The following WDR4 variants were observed in gnomAD, a reference collection of about 807,000 sequenced individuals.
WDR4 encodes the protein tRNA (guanine-N(7)-)-methyltransferase non-catalytic subunit WDR4.
A neutral mutation model predicts 48.6 loss-of-function variants in WDR4; 47 were observed. That is an observed-to-expected ratio of 0.97 (90% confidence interval 0.77 to 1.23). WDR4 has a LOEUF of 1.23. Ranked by LOEUF, WDR4 falls within the 50% of genes most tolerant of loss-of-function variation. The pLI, the probability that WDR4 is intolerant of heterozygous loss-of-function variation, is 0.00. For synonymous variants in WDR4, 268 were observed against 230.0 expected (o/e 1.17, Z -1.49); for missense variants, 606 against 551.6 (o/e 1.10, Z -0.99).
chr21:42,866,594 C>T (rs952829604), intron 3 of WDR4, among the ~76,000 whole-genome samples: 7 of 152,114 alleles, frequency 4.6e-5, no homozygotes, highest in Admixed American at 1.3e-4. Flanking sequence ...CCCATGTTTG[C>T]GGACCAGCCA....
rs189044788 is a variant in WDR4, at chr21:42,866,087, G to A, written c.297-2491C>T. ...TGCCGTGGCTCTCACAGTTGTTTTC[G>A]GAAACACAGACTCCACTGGGAGGAT... On this transcript the variant is annotated intron_variant, in intron 3 of 10. Coordinates refer to ENST00000398208, the MANE Select transcript of WDR4 (RefSeq NM_018669.6). 9.9e-5 allele frequency among the ~76,000 whole-genome samples: 15 copies of A among 152,164 alleles called. No individual in the cohort carries two copies. The East Asian group carries it at 1.5e-3, about 16-fold the overall frequency.
chr21:42,852,122 T>TG, intron 10 of WDR4, 133 bp downstream of exon 10: 1 of 933,160 alleles, frequency 1.1e-6, no homozygotes, highest in Non-Finnish European at 1.7e-6. Context: ...GCCTTCTGGA[T>TG]GGGGACACAC....
At chr21:42,876,491 G>A (rs773563358) in intron 2 of WDR4, among the ~76,000 whole-genome samples, 1 of 152,154 alleles carries the variant, frequency 6.6e-6, no homozygotes, top group Non-Finnish European at 1.5e-5. Flanking sequence ...TGGGATTACA[G>A]GCATAAGCCA....
At chr21:42,848,553 A>G (rs1189154822), downstream of WDR4, among the ~76,000 whole-genome samples, 1 of 52,208 alleles carries the variant, frequency 1.9e-5, no homozygotes, top group African/African-American at 1.3e-4. Flanking sequence ...CACCTCACAC[A>G]GCACACGATC....
At chr21:42,883,242 T>G (rs1292851905), upstream of WDR4, among the ~76,000 whole-genome samples, 3 of 128,632 alleles carry the variant, frequency 2.3e-5, no homozygotes, top group Admixed American at 9.0e-5. Flanking sequence ...GCCACTGCAC[T>G]CCAACCCGAG....
In WDR4 at chr21:42,869,376, G is replaced by A. The variant is rs567593753; in HGVS notation, c.296+4175C>T. Among the ~76,000 whole-genome samples the A allele has an allele frequency of 5.3e-5, 8 of 152,272 alleles. No individual in the cohort carries two copies. In the South Asian group the frequency reaches 6.2e-4, roughly 12 times the overall value. On this transcript the variant is annotated intron_variant, in intron 3 of 10. Coordinates refer to ENST00000398208, the MANE Select transcript of WDR4 (RefSeq NM_018669.6). The stretch of plus-strand genomic sequence containing the variant: ...ACTGTTGTCTAAGTAACTGGATCAC[G>A]TCTGAGATCCGTGTACACATCGGCA...
At chr21:42,854,675 A>C in intron 7 of WDR4, 49 bp from the exon 8 acceptor site, 1 of 1,581,410 alleles carries the variant, frequency 6.3e-7, no homozygotes, top group Non-Finnish European at 8.6e-7. Flanking sequence ...CAGGGGCCCG[A>C]CGCCGGGCGC....
intron 3 of WDR4, among the ~76,000 whole-genome samples, chr21:42,864,733 C>T (rs532961805): frequency 2.6e-5 from 4 of 152,338 alleles, no homozygotes; most frequent in South Asian, 4.1e-4. Flanking sequence ...GGGCTCAGGG[C>T]TACACTACTT....
intron 5 of WDR4, among the ~76,000 whole-genome samples, chr21:42,861,350 GGGAAGGAA>G (rs1176493261): frequency 6.7e-6 from 1 of 149,750 alleles, no homozygotes; most frequent in Non-Finnish European, 1.5e-5. Context: ...GTGGGGAGGG[GGGAAGGAA>G]GGGAGGGAGG....
At chr21:42,853,440 C>G in intron 9 of WDR4, 129 bp downstream of exon 9, 1 of 1,113,500 alleles carries the variant, frequency 9.0e-7, no homozygotes, top group Non-Finnish European at 1.3e-6. Flanking sequence ...AGGACACAGA[C>G]CCTGGGCCCC....
intron 3 of WDR4, among the ~76,000 whole-genome samples, chr21:42,870,725 GT>G (rs1217949274): frequency 2.0e-5 from 3 of 152,072 alleles, no homozygotes; most frequent in Non-Finnish European, 2.9e-5. Context: ...GGAGGCAGAG[GT>G]TGCAGTGAGC....
At chr21:42,858,871 A>G (rs932145311) in intron 6 of WDR4, among the ~76,000 whole-genome samples, 1 of 152,170 alleles carries the variant, frequency 6.6e-6, no homozygotes, top group African/African-American at 2.4e-5. Context: ...CCATCCTGCC[A>G]CACCACACAA....
Position 42,862,606 on chromosome 21 carries a change from G to A in WDR4, c.454-212C>T, listed in dbSNP as rs1251348611. On this transcript the variant is annotated intron_variant, in intron 4 of 10. Transcript: ENST00000398208. The surrounding 1 kb of genome is among the most constrained non-coding windows in gnomAD (Gnocchi z 4.3). ...CCCAGAGGGTCCCTGGCCACCTCTA[G>A]CCCTCACTCCTCAGTGCTAGAGCAG... Among the ~76,000 whole-genome samples the A allele has an allele frequency of 2.0e-5, 3 of 152,138 alleles. 1 individual carries two copies. The East Asian group carries it at 5.8e-4, about 29-fold the overall frequency.
downstream of WDR4, among the ~76,000 whole-genome samples, chr21:42,844,305 C>CA (rs1202922141): frequency 2.0e-5 from 3 of 152,150 alleles, no homozygotes; most frequent in African/African-American, 7.2e-5. Context: ...AAAACACACA[C>CA]ACATACCCTA....
intron 6 of WDR4, 115 bp from the exon 7 acceptor site, chr21:42,855,895 C>T (rs2057978100): frequency 1.4e-6 from 1 of 690,680 alleles, no homozygotes; most frequent in South Asian, 2.8e-5. Flanking sequence ...CCATGCCACC[C>T]ACCCTCAGGA....
chr21:42,876,849 G>A (rs1227230549), intron 1 of WDR4, 82 bp from the exon 2 acceptor site: 6 of 1,314,876 alleles, frequency 4.6e-6, no homozygotes, highest in Non-Finnish European at 5.2e-6. Context: ...ACGGAGTTTC[G>A]CTCTCGTTGT....
chr21:42,877,136 T>A (rs2058510598), intron 1 of WDR4, among the ~76,000 whole-genome samples: 2 of 123,556 alleles, frequency 1.6e-5, no homozygotes, highest in South Asian at 5.2e-4. Context: ...CGCCTGGCCC[T>A]AATTTTTTTT....
intron 3 of WDR4, among the ~76,000 whole-genome samples, chr21:42,870,491 G>A (rs2058348041): frequency 6.6e-6 from 1 of 151,968 alleles, no homozygotes; most frequent in Non-Finnish European, 1.5e-5. Flanking sequence ...CTTTACTTTA[G>A]GAAAAGAATT....
chr21:42,879,551 C>G, upstream of WDR4: 1 of 1,590,942 alleles, frequency 6.3e-7, no homozygotes, highest in Non-Finnish European at 8.6e-7. Context: ...TCTTCCTGTC[C>G]GCACCGGTCG....
Sources: gnomAD v4.1 joint callset for allele counts (sites outside exome capture counted in the v4.1 genomes callset) on GRCh38, gnomAD v4.1.1 for gene constraint, Gnocchi (gnomAD v3.1) non-coding constraint, MANE v1.5 for transcripts, NCBI Gene and HGNC (gene_info 2026-07-23, HGNC 2026-07-21) for gene names.